The following DGKI variants were observed in gnomAD, a reference collection of about 807,000 sequenced individuals.
The protein encoded by DGKI is diacylglycerol kinase iota.
DGKI carries 55 observed loss-of-function variants against 147.5 expected under a neutral mutation model. That is an observed-to-expected ratio of 0.37 (90% CI 0.30 to 0.47). DGKI has a LOEUF of 0.47. DGKI is among the 20% of genes least tolerant of loss of function. The probability of loss-of-function intolerance (pLI) is 1.00; values close to 1 mark genes in which losing one functional copy is unlikely to be tolerated. For missense variants in DGKI, 1,007 were observed against 1,323.8 expected, an observed-to-expected ratio of 0.76 and a Z score of 3.71; for synonymous variants, 469 against 477.1, an observed-to-expected ratio of 0.98 and a Z score of 0.22.
At chr7:137,639,587 G>A (rs1055560191) in intron 6 of DGKI, among the ~76,000 whole-genome samples, 2 of 152,234 alleles carry the variant, frequency 1.3e-5, no homozygotes, top group East Asian at 3.9e-4. Flanking sequence ...TCTGCTCCCC[G>A]TGCAGGTCAT....
intron 31 of DGKI, 104 bp from the exon 32 acceptor site, chr7:137,395,801 A>C: frequency 1.0e-6 from 1 of 987,574 alleles, no homozygotes; most frequent in East Asian, 2.5e-5. Context: ...CCTTCCCTGT[A>C]GGCTGCTGAG....
At chr7:137,429,089 C>A (rs1812949066) in intron 28 of DGKI, among the ~76,000 whole-genome samples, 1 of 151,870 alleles carries the variant, frequency 6.6e-6, no homozygotes, top group African/African-American at 2.4e-5. Context: ...GAGCCCACAT[C>A]ACCAAGTCAA....
At position 137,466,683 on chromosome 7, in the gene DGKI, T is replaced by C. The variant is rs547473792; in HGVS notation, c.2484+219A>G. Among the ~76,000 whole-genome samples, 6 of 152,306 alleles carry C rather than the reference T, an allele frequency of 3.9e-5. No homozygotes were observed. In the East Asian group the frequency reaches 9.7e-4, roughly 25 times the overall value. ...GTGATAATGTCTACAAGTCAACTTA[T>C]TTTCTGTACTCATTTGCAAGATTAA... On this transcript the variant is annotated intron_variant, in intron 25 of 32. Coordinates refer to ENST00000614521, the MANE Select transcript of DGKI (RefSeq NM_001321708.2).
In DGKI at chr7:137,393,500, C is replaced by T. The variant is rs184172317; in HGVS notation, c.3057+2098G>A. On this transcript the variant is annotated intron_variant, in intron 32 of 32. Coordinates refer to ENST00000614521, the MANE Select transcript of DGKI (RefSeq NM_001321708.2). Reference sequence around the variant, plus strand: ...GTGGCCCTGGCAAGACCAACCCTACCCCATAACCTGGCTCCATTAATCCTG... The same window carrying T: ...GTGGCCCTGGCAAGACCAACCCTACTCCATAACCTGGCTCCATTAATCCTG... Among the ~76,000 whole-genome samples the T allele has an allele frequency of 2.6e-5, 4 of 152,264 alleles. No individual in the cohort carries two copies. In the East Asian group the frequency reaches 5.8e-4, roughly 22 times the overall value.
At chr7:137,428,724 G>A (rs556472921) in intron 28 of DGKI, among the ~76,000 whole-genome samples, 1 of 152,064 alleles carries the variant, frequency 6.6e-6, no homozygotes, top group Non-Finnish European at 1.5e-5. Flanking sequence ...CAAAATCAAT[G>A]TACAAAAATC....
intron 25 of DGKI, 41 bp downstream of exon 25, chr7:137,466,861 G>A: frequency 1.9e-6 from 3 of 1,604,832 alleles, no homozygotes; most frequent in Non-Finnish European, 2.6e-6. Context: ...CATTAACTTG[G>A]GAATTTTTCA....
intron 1 of DGKI, among the ~76,000 whole-genome samples, chr7:137,821,615 A>G (rs545083270): frequency 1.3e-5 from 2 of 152,150 alleles, no homozygotes; most frequent in South Asian, 2.1e-4. Flanking sequence ...AACTCCCAGT[A>G]AGATGAAAGT....
chr7:137,421,882 G>A (rs1812585555), intron 28 of DGKI, among the ~76,000 whole-genome samples: 1 of 152,128 alleles, frequency 6.6e-6, no homozygotes, highest in Admixed American at 6.5e-5. Context: ...TTTAAAATCT[G>A]GATTGAGGAA....
chr7:137,498,663 A>C (rs553532906), intron 21 of DGKI, among the ~76,000 whole-genome samples: 1 of 152,272 alleles, frequency 6.6e-6, no homozygotes, highest in African/African-American at 2.4e-5. Flanking sequence ...TTTACAGATA[A>C]CCCAAACAAT....
At chr7:137,819,035 A>G (rs904942232) in intron 1 of DGKI, among the ~76,000 whole-genome samples, 2 of 152,176 alleles carry the variant, frequency 1.3e-5, no homozygotes, top group African/African-American at 4.8e-5. Context: ...ACAGGTGATG[A>G]TCCTAAGGCT....
At chr7:137,638,951 C>T (rs1313550728) in intron 6 of DGKI, among the ~76,000 whole-genome samples, 1 of 151,954 alleles carries the variant, frequency 6.6e-6, no homozygotes, top group Non-Finnish European at 1.5e-5. Context: ...AACTAGCTCT[C>T]CTCACCTGGC....
intron 2 of DGKI, among the ~76,000 whole-genome samples, chr7:137,685,026 C>T (rs567619522): frequency 2.0e-5 from 3 of 152,176 alleles, no homozygotes; most frequent in Non-Finnish European, 4.4e-5. Context: ...TTTCATAACC[C>T]AGTTTAAACC....
intron 27 of DGKI, among the ~76,000 whole-genome samples, chr7:137,449,316 A>G (rs921436875): frequency 2.5e-4 from 38 of 152,210 alleles, no homozygotes; most frequent in African/African-American, 9.2e-4. Context: ...CAGGATAGAG[A>G]GCCGGAAAAT....
intron 19 of DGKI, among the ~76,000 whole-genome samples, chr7:137,569,412 G>A (rs573137916): frequency 6.6e-6 from 1 of 151,830 alleles, no homozygotes; most frequent in African/African-American, 2.4e-5. Context: ...CATCATATAC[G>A]GGCATGATTT....
intron 20 of DGKI, among the ~76,000 whole-genome samples, chr7:137,527,624 A>G (rs1310480345): frequency 6.6e-6 from 1 of 152,130 alleles, no homozygotes. Flanking sequence ...TTCTTAGTTC[A>G]GTGTAAGGCT....
rs994893019 is a variant in DGKI at position 137,382,224 on chromosome 7, C to T, written c.*8996G>A. 6.6e-6 allele frequency: 1 copy of T among 152,006 alleles called. No homozygotes were observed. Among genetic ancestry groups the T allele is most frequent in the Non-Finnish European group, 1.5e-5 (1 of 67,966 alleles). The allele number at this position is 152,006 out of a possible 1,614,324, so 9.4% of individuals were successfully genotyped here. A position where few individuals can be genotyped will look rare whatever the true frequency, so the allele number is the denominator to read the frequency against. ...GTGAAGAGTAAAGACAATTTGTAAACATATATCTATCATTTTTAAGAGGAA... is the reference window on the plus strand; with the variant it reads ...GTGAAGAGTAAAGACAATTTGTAAATATATATCTATCATTTTTAAGAGGAA... On this transcript the variant is annotated 3_prime_UTR_variant, in exon 33 of 33. Transcript: ENST00000614521.
chr7:137,645,410 C>T, intron 6 of DGKI, 62 bp downstream of exon 6: 1 of 1,451,370 alleles, frequency 6.9e-7, no homozygotes, highest in Non-Finnish European at 9.5e-7. Flanking sequence ...ACTCATCTAC[C>T]TCAGTTGCTT....
Position 137,490,101 on chromosome 7 carries a change from G to A in DGKI, c.2249-2412C>T, listed in dbSNP as rs188045939. Among the ~76,000 whole-genome samples, 184 of 152,194 alleles carry A rather than the reference G, an allele frequency of 1.2e-3. 1 individual carries two copies. The highest frequency in any genetic ancestry group is 2.2e-3 in the Non-Finnish European group (147 of 67,986). On this transcript the variant is annotated intron_variant, in intron 21 of 32. Coordinates refer to ENST00000614521, the MANE Select transcript of DGKI (RefSeq NM_001321708.2). ...TGAGCAATACTTAGCTGTTAATTGC[G>A]AGGAGAAAAGAAAGAAAAAAGGGCA...
rs1165456236 is a variant in DGKI at position 137,517,309 on chromosome 7, AAGAAAGAAAGAAAG to A, written c.2248+4543_2248+4556del. Among the ~76,000 whole-genome samples the A allele has an allele frequency of 2.0e-3, 284 of 139,572 alleles. 2 individuals are homozygous for A. The highest frequency in any genetic ancestry group is 0.011 in the South Asian group (43 of 3,904). The allele number at this position is 139,572 out of a possible 152,430, so 91.6% of individuals were successfully genotyped here. A position where few individuals can be genotyped will look rare whatever the true frequency, so the allele number is the denominator to read the frequency against. On this transcript the variant is annotated intron_variant, in intron 21 of 32. Transcript: ENST00000614521. ...AAAGAAAGAAAGAAAGAAAGAAAGAAAGAAAGAAAGAAAGAAAGAAAGAAAGAAAGAGAAAGAAA... is the reference window on the plus strand; with the variant it reads ...AAAGAAAGAAAGAAAGAAAGAAAGAAAAAGAAAGAAAGAAAGAGAAAGAAA...
Sources: allele counts gnomAD v4.1 joint callset (sites outside exome capture counted in the v4.1 genomes callset), GRCh38; gene constraint gnomAD v4.1.1; transcripts MANE v1.5; gene names NCBI Gene and HGNC (gene_info 2026-07-23, HGNC 2026-07-21).